RIF1: variants seen among roughly 807,000 people sequenced by gnomAD.
RIF1 encodes the protein telomere-associated protein RIF1.
In RIF1, 45 loss-of-function variants were observed where a neutral mutation model predicts 247.1. That is an observed-to-expected ratio of 0.18 (90% CI 0.14 to 0.23). RIF1 has a LOEUF of 0.23. RIF1 is among the 10% of genes least tolerant of loss of function. The probability of loss-of-function intolerance (pLI) is 1.00; values close to 1 mark genes in which losing one functional copy is unlikely to be tolerated. For synonymous variants in RIF1, 1,087 were observed against 978.8 expected (o/e 1.11, Z -2.06); for missense variants, 2,967 against 2,862.5 (o/e 1.04, Z -0.83).
chr2:151,425,461 G>A (rs1368159419), intron 8 of RIF1, among the ~76,000 whole-genome samples: 1 of 151,994 alleles, frequency 6.6e-6, no homozygotes, highest in African/African-American at 2.4e-5. Context: ...GCCAAATCCA[G>A]TGTCATTTTT....
At chr2:151,424,312 C>T (rs1276419840) in intron 8 of RIF1, among the ~76,000 whole-genome samples, 1 of 152,172 alleles carries the variant, frequency 6.6e-6, no homozygotes, top group African/African-American at 2.4e-5. Context: ...CCATGTTGAC[C>T]AGGATGGTCT....
At chr2:151,494,823 A>T (rs2059107162) in intron 9 of RIF1, among the ~76,000 whole-genome samples, 1 of 151,582 alleles carries the variant, frequency 6.6e-6, no homozygotes, top group South Asian at 2.1e-4. Flanking sequence ...TAATTTTTGT[A>T]TTTTTTAGTA....
chr2:151,494,289 A>T, intron 9 of RIF1: 1 of 1,396,324 alleles, frequency 7.2e-7, no homozygotes, highest in South Asian at 1.3e-5. Flanking sequence ...AGCCAAAAAG[A>T]AAAAGAGTTA....
chr2:151,447,240 GCCTCTTTCTTTC>G (rs1693473108), intron 20 of RIF1, among the ~76,000 whole-genome samples: 1 of 152,180 alleles, frequency 6.6e-6, no homozygotes, highest in Non-Finnish European at 1.5e-5. Context: ...ACCGCGCCCG[GCCTCTTTCTTTC>G]CCTCCTCATG....
chr2:151,464,626 A>G lies in RIF1; in HGVS notation c.5106A>G (p.Ile1702Met), dbSNP rs767626940. 1 of 1,613,798 alleles carries G rather than the reference A, an allele frequency of 6.2e-7. No homozygotes were observed. The highest frequency in any genetic ancestry group is 8.5e-7 in the Non-Finnish European group (1 of 1,179,808). ...TGGGAGAATCCTCAAAAATAGGGAT[A>G]TCAGATATTTCTTCGCTTTCAGAAA... Reference protein sequence around the residue: ...CSLGESSKIGISDISSLSEKT... With the variant: ...CSLGESSKIGMSDISSLSEKT... Residue 1702 changes from isoleucine to methionine, a missense_variant, in exon 30 of 36, where the codon ATA (isoleucine) becomes ATG (methionine). Physicochemically the swap from Ile to Met is conservative, Grantham distance 10 (BLOSUM62 1). This residue lies in a region of RIF1 where 2,028 missense variants were observed against 1,825.6 expected (regional missense o/e 1.11). Transcript: ENST00000444746.
the RIF1 span, among the ~76,000 whole-genome samples, chr2:151,522,012 T>C: frequency 3.9e-5 from 6 of 152,152 alleles, no homozygotes; most frequent in Admixed American, 6.5e-5. Context: ...ATGGTGAAGC[T>C]TTTTCCCATT....
intron 9 of RIF1, chr2:151,493,903 G>A (rs567646712): frequency 2.7e-5 from 37 of 1,359,138 alleles, no homozygotes; most frequent in African/African-American, 1.8e-4. Flanking sequence ...AAGTCACTAC[G>A]AGGTAATAAT....
In RIF1 at chr2:151,477,710, ATTTTCT is replaced by A. The variant is rs1195779958; in HGVS notation, c.*2644_*2649del. The A allele has an allele frequency of 7.3e-6, 1 of 137,304 alleles. No homozygotes were observed. Among genetic ancestry groups the A allele is most frequent in the Non-Finnish European group, 1.6e-5 (1 of 64,020 alleles). 8.5% of individuals were successfully genotyped at this position (137,304 alleles called of 1,614,324 possible). A position where few individuals can be genotyped will look rare whatever the true frequency, so the allele number is the denominator to read the frequency against. Reference sequence around the variant, plus strand: ...CAGGCGTGAGCCACCCCACCTGGCCATTTTCTTTTTTTTTTGAGGTGGAGTTTTCGC... The same window carrying A: ...CAGGCGTGAGCCACCCCACCTGGCCATTTTTTTTTGAGGTGGAGTTTTCGC... On this transcript the variant is annotated 3_prime_UTR_variant, in exon 36 of 36. Coordinates refer to ENST00000444746, the MANE Select transcript of RIF1 (RefSeq NM_018151.5).
In RIF1 at chr2:151,463,826, A is replaced by G. The variant is rs1176483791; in HGVS notation, c.4306A>G (p.Asn1436Asp). Residue 1436 changes from asparagine (N) to aspartate (D), a missense_variant, in exon 30 of 36, where the codon AAT (asparagine) becomes GAT (aspartate). Physicochemically the swap from Asn to Asp is conservative, Grantham distance 23. Transcript: ENST00000444746. The stretch of plus-strand genomic sequence containing the variant: ...TACCACTGAAAGCCAAGATAAGGAA[A>G]ATAGTCATCAAAAAAAGGAACGACG... ...ESTTESQDKE[N>D]SHQKKERRKE... The G allele has an allele frequency of 1.9e-6, 3 of 1,611,826 alleles. No homozygotes were observed. Among genetic ancestry groups the G allele is most frequent in the South Asian group, 2.2e-5 (2 of 90,556 alleles).
intron 20 of RIF1, among the ~76,000 whole-genome samples, chr2:151,449,733 C>G (rs1693936700): frequency 7.8e-6 from 1 of 128,094 alleles, no homozygotes; most frequent in African/African-American, 3.0e-5. Context: ...CAGCTTTTTA[C>G]TTTTCTTTGT....
At chr2:151,498,132 T>C (rs748478190) in intron 10 of RIF1, 2 of 1,523,162 alleles carry the variant, frequency 1.3e-6, no homozygotes, top group East Asian at 2.5e-5. Context: ...GGAAAGTATA[T>C]CCTTTTGTAA....
chr2:151,428,691 G>T, intron 8 of RIF1, 93 bp from the exon 9 acceptor site: 1 of 963,170 alleles, frequency 1.0e-6, no homozygotes, highest in South Asian at 1.4e-5. Context: ...GAAGTCCTAA[G>T]AGCATCTGTT....
chr2:151,494,296 G>A, intron 9 of RIF1: 1 of 1,328,142 alleles, frequency 7.5e-7, no homozygotes, highest in East Asian at 2.4e-5. Context: ...AAGAAAAAGA[G>A]TTAACAGTTA....
intron 8 of RIF1, among the ~76,000 whole-genome samples, chr2:151,426,168 ATTTTTTTTT>A (rs35001554): frequency 3.4e-5 from 2 of 58,212 alleles, no homozygotes; most frequent in African/African-American, 6.9e-5. Context: ...TTGGCTTTTA[ATTTTTTTTT>A]TTTTTTTTTT....
At position 151,494,218 on chromosome 2, in the gene RIF1, T is replaced by C. The variant is rs1574795954; in HGVS notation, c.*416-1011T>C. 6.2e-7 allele frequency: 1 copy of C among 1,606,494 alleles called. No homozygotes were observed. Among genetic ancestry groups the C allele is most frequent in the Admixed American group, 1.7e-5 (1 of 59,268 alleles). ...TCTGCATCTCAGGAGTGACAGGGGT[T>C]GCGGTGGCTTTCCCCACATTTTCTT... is the stretch of plus-strand genomic sequence containing the variant. On this transcript the variant is annotated intron_variant and NMD_transcript_variant, in intron 9 of 13. Transcript: ENST00000454583.
chr2:151,420,043 A>T (rs1687909335), intron 6 of RIF1, 147 bp from the exon 7 acceptor site: 1 of 618,610 alleles, frequency 1.6e-6, no homozygotes, highest in Admixed American at 3.7e-5. Context: ...TAAAAATAAG[A>T]TCTATTTCTT....
intron 1 of RIF1, 99 bp from the exon 2 acceptor site, chr2:151,410,315 G>C (rs1685917822): frequency 3.3e-6 from 3 of 901,968 alleles, no homozygotes; most frequent in Non-Finnish European, 5.2e-6. Flanking sequence ...TGTGAGGCCC[G>C]GGCGGGCGTG....
the RIF1 span, among the ~76,000 whole-genome samples, chr2:151,523,991 C>G: frequency 8.5e-5 from 13 of 152,104 alleles, no homozygotes; most frequent in African/African-American, 2.7e-4. Flanking sequence ...AATCAGACCC[C>G]GAGGATGAAA....
At chr2:151,452,131 G>A (rs1189400560) in intron 21 of RIF1, among the ~76,000 whole-genome samples, 2 of 152,112 alleles carry the variant, frequency 1.3e-5, no homozygotes, top group Admixed American at 6.5e-5. Flanking sequence ...AAAACAATGG[G>A]ATCAGTTAAT....
Sources: gnomAD v4.1 joint callset for allele counts (sites outside exome capture counted in the v4.1 genomes callset) on GRCh38, gnomAD v4.1.1 for gene constraint, gnomAD v4.1.1 regional missense constraint, MANE v1.5 for transcripts, NCBI Gene and HGNC (gene_info 2026-07-23, HGNC 2026-07-21) for gene names.